The following NAV2 variants were observed in gnomAD, a reference collection of about 807,000 sequenced individuals.
NAV2 encodes the protein neuron navigator 2.
NAV2 carries 54 observed loss-of-function variants against 223.2 expected under a neutral mutation model. The ratio of observed to expected loss-of-function variants is 0.24; its 90% CI spans 0.19 to 0.30. The LOEUF is 0.30. Among genes scored for constraint, NAV2 ranks in the 10% least tolerant of loss-of-function variants. NAV2 has a pLI of 1.00. For missense variants in NAV2, 2,806 were observed against 3,147.5 expected, an observed-to-expected ratio of 0.89 and a Z score of 2.60; for synonymous variants, 1,279 against 1,239.3, an observed-to-expected ratio of 1.03 and a Z score of -0.67.
intron 1 of NAV2, among the ~76,000 whole-genome samples, chr11:19,584,675 G>A (rs1055379976): frequency 6.6e-6 from 1 of 152,234 alleles, no homozygotes; most frequent in Non-Finnish European, 1.5e-5. Context: ...CAGTTTCCAT[G>A]TAGTTGAGCA....
rs7114103 is a variant in NAV2 at position 19,528,660 on chromosome 11, G to C, written c.75+177633G>C. Among the ~76,000 whole-genome samples, 988 of 152,252 alleles carry C rather than the reference G, an allele frequency of 6.5e-3. 9 individuals carry two copies. Among genetic ancestry groups the C allele is most frequent in the African/African-American group, 0.023 (957 of 41,528 alleles). On this transcript the variant is annotated intron_variant, in intron 1 of 37. Coordinates refer to the NAV2 transcript ENST00000360655. ...TTTTAAGAATGGGAAGGCCGGGCAC[G>C]GTGGCTTATGCCTGTAATCCCAGCG... is the stretch of plus-strand genomic sequence containing the variant.
At chr11:19,570,027 A>G (rs2045379344) in intron 1 of NAV2, among the ~76,000 whole-genome samples, 1 of 152,180 alleles carries the variant, frequency 6.6e-6, no homozygotes, top group African/African-American at 2.4e-5. Flanking sequence ...CAGGGGGAAC[A>G]TCTGTATTTC....
chr11:19,580,989 T>C (rs1366302747), intron 1 of NAV2, among the ~76,000 whole-genome samples: 1 of 152,236 alleles, frequency 6.6e-6, no homozygotes, highest in Admixed American at 6.5e-5. Context: ...AATAGCATTT[T>C]GGCTGGATGT....
intron 1 of NAV2, among the ~76,000 whole-genome samples, chr11:19,663,090 T>C (rs886823603): frequency 1.3e-5 from 2 of 152,220 alleles, no homozygotes; most frequent in Non-Finnish European, 1.5e-5. Context: ...CCAGCCCATG[T>C]TGACTCTGTT....
At chr11:19,733,510 C>A (rs772107151) in intron 1 of NAV2, among the ~76,000 whole-genome samples, 3 of 152,160 alleles carry the variant, frequency 2.0e-5, no homozygotes, top group Non-Finnish European at 4.4e-5. Context: ...GCTAAGAACC[C>A]AAGATGCTTC....
At chr11:19,552,418 G>T (rs971755754) in intron 1 of NAV2, among the ~76,000 whole-genome samples, 2 of 152,114 alleles carry the variant, frequency 1.3e-5, no homozygotes, top group Non-Finnish European at 2.9e-5. Flanking sequence ...TTGTTCCATC[G>T]GGGCTCAGGG....
intron 1 of NAV2, among the ~76,000 whole-genome samples, chr11:19,690,547 A>T (rs761615018): frequency 6.6e-6 from 1 of 152,216 alleles, no homozygotes; most frequent in Non-Finnish European, 1.5e-5. Context: ...TCAACACGTA[A>T]TAAGTGCTCA....
chr11:19,896,458 A>T (rs375796235), intron 6 of NAV2, among the ~76,000 whole-genome samples: 2 of 152,112 alleles, frequency 1.3e-5, no homozygotes, highest in East Asian at 1.9e-4. Context: ...GCTACTGAAG[A>T]ATTAAATAAT....
At chr11:19,434,789 C>T (rs941346979) in intron 1 of NAV2, among the ~76,000 whole-genome samples, 2 of 150,918 alleles carry the variant, frequency 1.3e-5, no homozygotes, top group East Asian at 1.9e-4. Context: ...TCAATTGTCA[C>T]GTGAATCTCT....
chr11:19,819,984 G>A (rs532837637), intron 1 of NAV2, among the ~76,000 whole-genome samples: 2 of 152,346 alleles, frequency 1.3e-5, no homozygotes, highest in Non-Finnish European at 2.9e-5. Context: ...AAGGCCAGAC[G>A]TCCTAGGGAG....
intron 25 of NAV2, among the ~76,000 whole-genome samples, chr11:20,081,264 A>G (rs2060074599): frequency 1.3e-5 from 2 of 152,192 alleles, no homozygotes; most frequent in East Asian, 3.8e-4. Flanking sequence ...CTCTTAGTCA[A>G]CTTATTTGTT....
intron 1 of NAV2, among the ~76,000 whole-genome samples, chr11:19,446,835 C>T (rs773337897): frequency 2.6e-5 from 4 of 152,124 alleles, no homozygotes; most frequent in Non-Finnish European, 5.9e-5. Context: ...GGTCTCATGA[C>T]CCCCAAACAA....
At chr11:20,003,976 G>A (rs187664270) in intron 11 of NAV2, among the ~76,000 whole-genome samples, 132 of 152,356 alleles carry the variant, frequency 8.7e-4, no homozygotes, top group Admixed American at 4.6e-3. Context: ...GAAGGCTCAT[G>A]TGAGTTCAGG....
At chr11:19,843,995 GAGTCATTTTCC>G (rs1443682869) in intron 3 of NAV2, among the ~76,000 whole-genome samples, 1 of 152,110 alleles carries the variant, frequency 6.6e-6, no homozygotes, top group Non-Finnish European at 1.5e-5. Flanking sequence ...TATGGAAGGG[GAGTCATTTTCC>G]AGTTTATATT....
At chr11:19,912,319 T>C (rs1042558232) in intron 6 of NAV2, among the ~76,000 whole-genome samples, 31 of 152,342 alleles carry the variant, frequency 2.0e-4, no homozygotes, top group African/African-American at 7.2e-4. Flanking sequence ...CTTGCAAAAG[T>C]CCTCTTTGCT....
At chr11:19,470,122 G>A (rs560306575) in intron 1 of NAV2, among the ~76,000 whole-genome samples, 1 of 152,216 alleles carries the variant, frequency 6.6e-6, no homozygotes, top group Non-Finnish European at 1.5e-5. Flanking sequence ...GTGGAGCTAT[G>A]GGGCTTCAAG....
intron 1 of NAV2, among the ~76,000 whole-genome samples, chr11:19,546,401 G>A (rs905784497): frequency 6.6e-6 from 1 of 152,196 alleles, no homozygotes; most frequent in Non-Finnish European, 1.5e-5. Context: ...CCTGGGTGTG[G>A]GGCCCAGATG....
chr11:19,778,242 A>C, intron 1 of NAV2: 1 of 419,832 alleles, frequency 2.4e-6, no homozygotes, highest in South Asian at 1.7e-5. Context: ...TTTTTATCGG[A>C]TAGTTTCAAC....
chr11:20,027,959 G>A lies in NAV2; in HGVS notation c.2769-8000G>A, dbSNP rs190579382. Among the ~76,000 whole-genome samples the A allele has an allele frequency of 8.9e-4, 136 of 152,338 alleles. No individual in the cohort carries two copies. In the Middle Eastern group the frequency reaches 0.017, roughly 19 times the overall value. ...TCTATTTTGCTTTTTTGCTTCATGA[G>A]AGATGAAATTGTAAATATCATATCA... On this transcript the variant is annotated intron_variant, in intron 11 of 37. Transcript: ENST00000349880.
Sources: allele counts gnomAD v4.1 joint callset (sites outside exome capture counted in the v4.1 genomes callset), GRCh38; gene constraint gnomAD v4.1.1; transcripts MANE v1.5; gene names NCBI Gene and HGNC (gene_info 2026-07-23, HGNC 2026-07-21).